GUCY1A1: variants seen among roughly 807,000 people sequenced by gnomAD.
GUCY1A1 encodes the protein guanylate cyclase 1 soluble subunit alpha 1, also known as guanylate cyclase soluble subunit alpha-1.
A neutral mutation model predicts 64.5 loss-of-function variants in GUCY1A1; 48 were observed. The ratio of observed to expected loss-of-function variants is 0.74; its 90% CI spans 0.59 to 0.95. The LOEUF (loss-of-function observed/expected upper bound fraction) is 0.95. Among genes scored for constraint, GUCY1A1 ranks in the 40% least tolerant of loss-of-function variants. GUCY1A1 has a pLI of 0.00. For missense variants in GUCY1A1, 804 were observed against 825.3 expected, an observed-to-expected ratio of 0.97 and a Z score of 0.32; for synonymous variants, 308 against 303.4, an observed-to-expected ratio of 1.02 and a Z score of -0.16.
rs1435097650 is a variant in GUCY1A1 at position 155,713,489 on chromosome 4, TCTGCTCCCAGTGCTCACCG to T, written c.1483_1501del (p.Ser495ArgfsTer34). On this transcript the variant is annotated frameshift_variant, in exon 7 of 10. Coordinates refer to ENST00000506455, the MANE Select transcript of GUCY1A1 (RefSeq NM_001130682.3). LOFTEE classifies it high-confidence loss of function. ...TCAGACATCGTTGGGTTCACTGCCA[TCTGCTCCCAGTGCTCACCG>T]CTGCAGGTCATCACCATGCTCAATG... The T allele has an allele frequency of 3.1e-6, 5 of 1,614,154 alleles. No individual in the cohort carries two copies. The highest frequency in any genetic ancestry group is 4.2e-6 in the Non-Finnish European group (5 of 1,180,008).
At position 155,734,904 on chromosome 4, in the gene GUCY1A1, A is replaced by T. The variant is rs1026863561; in HGVS notation, c.*4673A>T. 6.6e-6 allele frequency: 1 copy of T among 152,010 alleles called. No individual in the cohort carries two copies. Among genetic ancestry groups the T allele is most frequent in the South Asian group, 2.1e-4 (1 of 4,834 alleles). 9.4% of individuals were successfully genotyped at this position (152,010 alleles called of 1,614,324 possible). A position where few individuals can be genotyped will look rare whatever the true frequency, so the allele number is the denominator to read the frequency against. On this transcript the variant is annotated 3_prime_UTR_variant, in exon 10 of 10. Coordinates refer to ENST00000506455, the MANE Select transcript of GUCY1A1 (RefSeq NM_001130682.3). ...TGTATCCTTTAGTGAAAAGGGGAAG[A>T]ATCAATTACTGAAAGCCATAAGCTT...
At position 155,710,959 on chromosome 4, in the gene GUCY1A1, C is replaced by T; in HGVS notation, c.794C>T (p.Ser265Phe). 1.2e-6 allele frequency: 2 copies of T among 1,613,504 alleles called. No homozygotes were observed. The highest frequency in any genetic ancestry group is 1.7e-6 in the Non-Finnish European group (2 of 1,179,410). ...GTTCACATGAAAAGCACCAAGCCAT[C>T]CCTGTCCCCCAGCAAACCCCAGTCC... ...YSVHMKSTKP[S>F]LSPSKPQSSL... The change falls in exon 6 of 10, where the codon TCC becomes TTC. Residue 265 changes from serine to phenylalanine, a missense_variant. By Grantham distance (155) the Ser-to-Phe change is radical. Coordinates refer to ENST00000506455, the MANE Select transcript of GUCY1A1 (RefSeq NM_001130682.3).
rs1442054892 is a variant in GUCY1A1 at position 155,730,431 on chromosome 4, A to C, written c.*200A>C. On this transcript the variant is annotated 3_prime_UTR_variant, in exon 10 of 10. Coordinates refer to ENST00000506455, the MANE Select transcript of GUCY1A1 (RefSeq NM_001130682.3). Reference sequence around the variant, plus strand: ...TTCAGCTCTTCAAGAAAAAAAAAAAAAACCTTAAAAAGCTACTTTTGTGGG... The same window carrying C: ...TTCAGCTCTTCAAGAAAAAAAAAAACAACCTTAAAAAGCTACTTTTGTGGG... 2 of 446,232 alleles carry C rather than the reference A, an allele frequency of 4.5e-6. No individual in the cohort carries two copies. Among genetic ancestry groups the C allele is most frequent in the Admixed American group, 3.8e-5 (1 of 26,262 alleles). The allele number at this position is 446,232 out of a possible 1,614,324, so 27.6% of individuals were successfully genotyped here.
At chr4:155,722,225 G>T in intron 9 of GUCY1A1, 33 bp downstream of exon 9, 1 of 1,590,984 alleles carries the variant, frequency 6.3e-7, no homozygotes, top group Non-Finnish European at 8.6e-7. Flanking sequence ...AAAATCTCTT[G>T]TTTTTATTTA....
intron 2 of GUCY1A1, among the ~76,000 whole-genome samples, chr4:155,683,969 CT>C (rs1204993575): frequency 6.6e-6 from 1 of 152,116 alleles, no homozygotes; most frequent in Non-Finnish European, 1.5e-5. Flanking sequence ...TATACACCTC[CT>C]GAGCTTTGGG....
intron 2 of GUCY1A1, among the ~76,000 whole-genome samples, chr4:155,695,547 A>G (rs979337299): frequency 2.6e-4 from 39 of 152,318 alleles, no homozygotes; most frequent in African/African-American, 9.4e-4. Context: ...GCTCTAATTT[A>G]GTAATATTAG....
intron 8 of GUCY1A1, among the ~76,000 whole-genome samples, chr4:155,718,431 C>G (rs903215762): frequency 6.6e-6 from 1 of 152,098 alleles, no homozygotes; most frequent in Non-Finnish European, 1.5e-5. Flanking sequence ...TATAAAATCA[C>G]AAACTTTTAT....
At chr4:155,678,945 C>G (rs552593059) in intron 2 of GUCY1A1, among the ~76,000 whole-genome samples, 1 of 152,224 alleles carries the variant, frequency 6.6e-6, no homozygotes, top group East Asian at 1.9e-4. Flanking sequence ...TGTTTATATA[C>G]CTTCTTTAAT....
chr4:155,726,556 T>C (rs1396059981), intron 9 of GUCY1A1, among the ~76,000 whole-genome samples: 2 of 151,966 alleles, frequency 1.3e-5, no homozygotes, highest in East Asian at 3.9e-4. Context: ...AATAAAATAA[T>C]CTGTTTAATA....
rs1032512922 is a variant in GUCY1A1 at position 155,722,120 on chromosome 4, A to G, written c.1799A>G (p.Asn600Ser). Reference sequence around the variant, plus strand: ...CCCCGTTACTGTCTTTTTGGAAACAATGTCACTCTGGCTAACAAATTTGAG... The same window carrying G: ...CCCCGTTACTGTCTTTTTGGAAACAGTGTCACTCTGGCTAACAAATTTGAG... ...KMPRYCLFGN[N>S]VTLANKFESC... is the part of the protein sequence containing the mutation. Residue 600 changes from asparagine (N) to serine (S), a missense_variant, in exon 9 of 10, where the codon AAT becomes AGT. Physicochemically the swap from Asn to Ser is conservative, Grantham distance 46. Transcript: ENST00000506455. 2.7e-5 allele frequency: 43 copies of G among 1,613,528 alleles called. No individual in the cohort carries two copies. Among genetic ancestry groups the G allele is most frequent in the Middle Eastern group, 1.6e-4 (1 of 6,074 alleles).
intron 2 of GUCY1A1, among the ~76,000 whole-genome samples, chr4:155,693,919 G>A (rs778571061): frequency 7.2e-5 from 11 of 152,096 alleles, no homozygotes; most frequent in Admixed American, 1.3e-4. Context: ...AAGTTTAATG[G>A]AAAGATCTAT....
In GUCY1A1 at chr4:155,722,050, C is replaced by T; in HGVS notation, c.1729C>T (p.Leu577=). The T allele has an allele frequency of 6.2e-7, 1 of 1,612,260 alleles. No homozygotes were observed. The highest frequency in any genetic ancestry group is 8.5e-7 in the Non-Finnish European group (1 of 1,178,540). ...HGEPIKMRIG[L]HSGSVFAGVV... is the part of the protein sequence containing the mutation. Reference sequence around the variant, plus strand: ...TTTTTGCTTTCAGATGCGAATTGGACTGCACTCTGGATCAGTTTTTGCTGG... The same window carrying T: ...TTTTTGCTTTCAGATGCGAATTGGATTGCACTCTGGATCAGTTTTTGCTGG... The change falls in exon 9 of 10, where the codon CTG becomes TTG. Residue 577 remains leucine, a synonymous_variant. Coordinates refer to ENST00000506455, the MANE Select transcript of GUCY1A1 (RefSeq NM_001130682.3).
chr4:155,715,743 G>A (rs1733149600), intron 7 of GUCY1A1, among the ~76,000 whole-genome samples: 1 of 152,166 alleles, frequency 6.6e-6, no homozygotes, highest in Non-Finnish European at 1.5e-5. Flanking sequence ...AAAAGCTTAT[G>A]GGTGGCATTG....
intron 7 of GUCY1A1, among the ~76,000 whole-genome samples, chr4:155,714,405 G>C (rs1638955790): frequency 6.6e-6 from 1 of 152,122 alleles, no homozygotes; most frequent in Non-Finnish European, 1.5e-5. Flanking sequence ...GTAGGCACTG[G>C]GGATACAGCA....
At chr4:155,692,396 T>C (rs1291995697) in intron 2 of GUCY1A1, among the ~76,000 whole-genome samples, 1 of 152,220 alleles carries the variant, frequency 6.6e-6, no homozygotes, top group African/African-American at 2.4e-5. Flanking sequence ...GCTGAAGTAA[T>C]TTACACTCCC....
intron 2 of GUCY1A1, among the ~76,000 whole-genome samples, chr4:155,693,065 A>C (rs4691055): frequency 0.45 from 68,309 of 151,220 alleles, 15,700 homozygotes; most frequent in Middle Eastern, 0.55. Flanking sequence ...TCTCCAACAA[A>C]AAAAAAAAAA....
chr4:155,707,819 T>C (rs1579077761), intron 4 of GUCY1A1, among the ~76,000 whole-genome samples: 1 of 130,800 alleles, frequency 7.6e-6, no homozygotes, highest in South Asian at 2.7e-4. Flanking sequence ...ATTTAAACTA[T>C]TTTCTTTCTT....
intron 4 of GUCY1A1, among the ~76,000 whole-genome samples, chr4:155,704,344 G>A (rs1336955981): frequency 6.6e-6 from 1 of 152,108 alleles, no homozygotes; most frequent in Non-Finnish European, 1.5e-5. Context: ...GTACTAATTG[G>A]TAACTTCTAA....
intron 2 of GUCY1A1, among the ~76,000 whole-genome samples, chr4:155,688,205 G>A (rs1212981387): frequency 2.0e-5 from 3 of 151,660 alleles, no homozygotes; most frequent in Non-Finnish European, 4.4e-5. Context: ...TCCAGCCTGG[G>A]CGACAGAGCG....
Sources: allele counts gnomAD v4.1 joint callset (sites outside exome capture counted in the v4.1 genomes callset), GRCh38; gene constraint gnomAD v4.1.1; transcripts MANE v1.5; gene names NCBI Gene and HGNC (gene_info 2026-07-23, HGNC 2026-07-21).